TRIM29: variants seen among roughly 807,000 people sequenced by gnomAD.
The protein encoded by TRIM29 is tripartite motif containing 29.
TRIM29 carries 52 observed loss-of-function variants against 57.3 expected under a neutral mutation model. That is an observed-to-expected ratio of 0.91 (90% CI 0.73 to 1.14). The LOEUF (loss-of-function observed/expected upper bound fraction) is 1.14, where lower values mean the gene tolerates loss of function less well. TRIM29 is among the 50% of genes most tolerant of loss of function. The probability of loss-of-function intolerance (pLI) is 0.00; values close to 1 mark genes in which losing one functional copy is unlikely to be tolerated. For synonymous variants in TRIM29, 319 were observed against 316.9 expected, an observed-to-expected ratio of 1.01 and a Z score of -0.07; for missense variants, 753 against 774.6, an observed-to-expected ratio of 0.97 and a Z score of 0.33.
Position 120,137,353 on chromosome 11 carries a change from C to A in TRIM29, c.679G>T (p.Val227Leu). The A allele has an allele frequency of 1.2e-6, 2 of 1,613,894 alleles. No homozygotes were observed. The highest frequency in any genetic ancestry group is 2.2e-5 in the East Asian group (1 of 44,844). ...IRDFEARKCP[V>L]HGKTMELFCQ... ...AAGAGCTCCATCGTCTTGCCATGCA[C>A]GGGACACTTGCGGGCCTCAAAGTCC... Residue 227 changes from valine (V) to leucine (L), a missense_variant, in exon 1 of 9, where the codon GTG becomes TTG. Physicochemically the swap from Val to Leu is conservative, Grantham distance 32. Transcript: ENST00000341846. The surrounding 1 kb of genome is among the most constrained non-coding windows in gnomAD (Gnocchi z 6.2).
chr11:120,113,512 C>T (rs1863189796), intron 8 of TRIM29: 2 of 411,284 alleles, frequency 4.9e-6, no homozygotes, highest in South Asian at 1.7e-5. Flanking sequence ...ATACAGGAGA[C>T]ATCATTTGCC....
At chr11:120,114,978 G>A (rs1412205244) in intron 8 of TRIM29, among the ~76,000 whole-genome samples, 8 of 152,172 alleles carry the variant, frequency 5.3e-5, no homozygotes, top group African/African-American at 1.7e-4. Context: ...CTAGGAGGAG[G>A]CCTGTCCTCC....
At chr11:120,115,875 G>C (rs1044593215) in intron 7 of TRIM29, 9 of 175,476 alleles carry the variant, frequency 5.1e-5, no homozygotes, top group Admixed American at 4.3e-4. Flanking sequence ...CATTCACGGA[G>C]CCCCACTTGT....
intron 1 of TRIM29, among the ~76,000 whole-genome samples, chr11:120,131,059 G>A (rs548822945): frequency 4.2e-4 from 64 of 152,238 alleles, no homozygotes; most frequent in Non-Finnish European, 5.7e-4. Flanking sequence ...TGGAAATGAA[G>A]GAGGACAAAA....
chr11:120,119,734 G>A lies in TRIM29; in HGVS notation c.1528+839C>T, dbSNP rs967563195. Among the ~76,000 whole-genome samples the A allele has an allele frequency of 2.0e-5, 3 of 152,094 alleles. 1 individual carries two copies. Among genetic ancestry groups the A allele is most frequent in the Non-Finnish European group, 4.4e-5 (3 of 68,002 alleles). The stretch of plus-strand genomic sequence containing the variant: ...GTGCCCCTGACCCTCCAGTCTCCAT[G>A]AGTCTTGCCCTCACTGAAGAGTCCT... On this transcript the variant is annotated intron_variant, in intron 6 of 8. Coordinates refer to ENST00000341846, the MANE Select transcript of TRIM29 (RefSeq NM_012101.4).
chr11:120,128,424 C>A lies in TRIM29; in HGVS notation c.876G>T (p.Trp292Cys). 6.2e-7 allele frequency: 1 copy of A among 1,612,414 alleles called. No homozygotes were observed. The highest frequency in any genetic ancestry group is 8.5e-7 in the Non-Finnish European group (1 of 1,180,018). ...IIEIEDEAEK[W>C]QKEKDRIKSF... ...CCTTGATGCGGTCCTTCTCCTTCTG[C>A]CACTTCTCAGCTTCATCCTCAATCT... The change falls in exon 2 of 9, where the codon TGG becomes TGT. Residue 292 changes from tryptophan (W) to cysteine (C), a missense_variant. By Grantham distance (215) the Trp-to-Cys change is radical. Transcript: ENST00000341846.
Position 120,127,571 on chromosome 11 carries a change from T to G in TRIM29, c.901-2A>C, listed in dbSNP as rs1863620860. 1 of 1,613,232 alleles carries G rather than the reference T, an allele frequency of 6.2e-7. No homozygotes were observed. The highest frequency in any genetic ancestry group is 8.5e-7 in the Non-Finnish European group (1 of 1,179,482). ...GGCCTTCTCATTGGTGGTGAAGCTC[T>G]GGAGGTCCAGAGTCAGGGAAGAGAT... On this transcript the variant is annotated splice_acceptor_variant, in intron 2 of 8. Coordinates refer to ENST00000341846, the MANE Select transcript of TRIM29 (RefSeq NM_012101.4). LOFTEE classifies it high-confidence loss of function.
chr11:120,113,516 A>C (rs1863189876), intron 8 of TRIM29: 1 of 416,074 alleles, frequency 2.4e-6, no homozygotes, highest in South Asian at 1.7e-5. Flanking sequence ...AGGAGACATC[A>C]TTTGCCCCTC....
chr11:120,121,351 T>C (rs1863440170), intron 5 of TRIM29: 1 of 161,388 alleles, frequency 6.2e-6, no homozygotes, highest in Non-Finnish European at 1.4e-5. Context: ...ACAGCCACTG[T>C]CAATCCCACT....
Position 120,137,364 on chromosome 11 carries a change from C to G in TRIM29, c.668G>C (p.Arg223Pro). 6.2e-7 allele frequency: 1 copy of G among 1,613,742 alleles called. No individual in the cohort carries two copies. The highest frequency in any genetic ancestry group is 8.5e-7 in the Non-Finnish European group (1 of 1,180,026). ...CGTCTTGCCATGCACGGGACACTTG[C>G]GGGCCTCAAAGTCCCGGATGGGCTC... ...LLEPIRDFEA[R>P]KCPVHGKTME... The change falls in exon 1 of 9, where the codon CGC (arginine) becomes CCC (proline). Residue 223 changes from arginine to proline, a missense_variant. Transcript: ENST00000341846. The surrounding 1 kb of genome is among the most constrained non-coding windows in gnomAD (Gnocchi z 6.2).
intron 3 of TRIM29, chr11:120,126,406 AT>A (rs1226737660): frequency 5.3e-5 from 8 of 151,954 alleles, no homozygotes; most frequent in South Asian, 2.1e-4. Context: ...TGCCTAGCTA[AT>A]TTTTTTTTGT....
rs928547324 is a variant in TRIM29, at chr11:120,111,475, G to C, written c.*939C>G. ...TTGAGCACCCTGATATGCAACATGG[G>C]GGGTAATCAGAAGGAGGAGGCAGCC... On this transcript the variant is annotated 3_prime_UTR_variant, in exon 9 of 9. Coordinates refer to ENST00000341846, the MANE Select transcript of TRIM29 (RefSeq NM_012101.4). 2.0e-5 allele frequency: 3 copies of C among 152,288 alleles called. No individual in the cohort carries two copies. Among genetic ancestry groups the C allele is most frequent in the Non-Finnish European group, 2.9e-5 (2 of 68,112 alleles). The allele number at this position is 152,288 out of a possible 1,614,324, so 9.4% of individuals were successfully genotyped here. A position where few individuals can be genotyped will look rare whatever the true frequency, so the allele number is the denominator to read the frequency against.
intron 8 of TRIM29, among the ~76,000 whole-genome samples, chr11:120,113,819 T>C (rs767563310): frequency 7.2e-5 from 11 of 152,044 alleles, no homozygotes; most frequent in East Asian, 1.9e-4. Flanking sequence ...AAGCCTTTCT[T>C]TGAGGAAGAT....
intron 7 of TRIM29, chr11:120,118,004 C>T (rs538897495): frequency 3.5e-5 from 20 of 575,860 alleles, no homozygotes; most frequent in East Asian, 3.0e-4. Context: ...GACTAGAGAG[C>T]GGTGAAACAA....
At chr11:120,115,745 T>C (rs1292939852) in intron 7 of TRIM29, 1 of 279,742 alleles carries the variant, frequency 3.6e-6, no homozygotes, top group Non-Finnish European at 6.8e-6. Flanking sequence ...CCCGGAGGTT[T>C]ACACCACGGG....
chr11:120,130,177 T>C (rs477337), intron 1 of TRIM29, among the ~76,000 whole-genome samples: 133,876 of 151,680 alleles, frequency 0.88, 59,202 homozygotes, highest in African/African-American at 0.92. Context: ...GGAGGCTGGA[T>C]TTGGCAAGCA....
At chr11:120,127,616 G>A (rs1314255338) in intron 2 of TRIM29, 47 bp from the exon 3 acceptor site, 9 of 1,557,572 alleles carry the variant, frequency 5.8e-6, no homozygotes, top group Non-Finnish European at 7.9e-6. Flanking sequence ...CTTTAGTTAG[G>A]GAAAGAAATC....
At chr11:120,123,209 C>A in intron 4 of TRIM29, 154 bp from the exon 5 acceptor site, 2 of 716,292 alleles carry the variant, frequency 2.8e-6, no homozygotes, top group Non-Finnish European at 5.1e-6. Context: ...AATATGACGC[C>A]CTGCCCAGCA....
intron 4 of TRIM29, chr11:120,124,028 T>C (rs1314309232): frequency 1.3e-5 from 2 of 155,114 alleles, no homozygotes; most frequent in East Asian, 3.8e-4. Context: ...CACCACCTCC[T>C]AGAGCAGACA....
Sources: gnomAD v4.1 joint callset for allele counts (sites outside exome capture counted in the v4.1 genomes callset) on GRCh38, gnomAD v4.1.1 for gene constraint, Gnocchi (gnomAD v3.1) non-coding constraint, MANE v1.5 for transcripts, NCBI Gene and HGNC (gene_info 2026-07-23, HGNC 2026-07-21) for gene names.